The following OPRM1 variants were observed in gnomAD, a reference collection of about 807,000 sequenced individuals.
OPRM1 encodes the protein opioid receptor mu 1.
A neutral mutation model predicts 31.8 loss-of-function variants in OPRM1; 27 were observed. The observed-to-expected ratio is 0.85, with a 90% CI of 0.63 to 1.17. The LOEUF is 1.17. Ranked by LOEUF, OPRM1 falls within the 50% of genes most tolerant of loss-of-function variation. OPRM1 has a pLI of 0.00. For missense variants in OPRM1, 536 were observed against 511.1 expected (o/e 1.05, Z -0.47); for synonymous variants, 196 against 189.9 (o/e 1.03, Z -0.26).
chr6:154,180,904 C>A (rs183916980), intron 3 of OPRM1, among the ~76,000 whole-genome samples: 1 of 152,216 alleles, frequency 6.6e-6, no homozygotes, highest in African/African-American at 2.4e-5. Context: ...TAGAAAACAG[C>A]GTTTCCTGTT....
At chr6:154,054,597 G>A (rs1355398196) in intron 1 of OPRM1, among the ~76,000 whole-genome samples, 4 of 152,114 alleles carry the variant, frequency 2.6e-5, no homozygotes, top group Non-Finnish European at 5.9e-5. Context: ...TTACTTCCCT[G>A]AACTTTAAGG....
At position 154,030,964 on chromosome 6, in the gene OPRM1, CA is replaced by C. The variant is rs1192404873; in HGVS notation, c.1-8194del. Among the ~76,000 whole-genome samples the C allele has an allele frequency of 1.7e-3, 255 of 152,164 alleles. 1 individual carries two copies. The highest frequency in any genetic ancestry group is 5.9e-3 in the African/African-American group (243 of 41,510). ...TGCTCTCTGAACCTGCAAATGGATG[CA>C]AATGAAGCCTAGACTATATAATCCA... On this transcript the variant is annotated intron_variant, in intron 1 of 5. Coordinates refer to the OPRM1 transcript ENST00000434900.
rs528944617 is a variant in OPRM1, at chr6:154,178,487, C to G, written c.1165-68206C>G. Among the ~76,000 whole-genome samples, 4 of 151,956 alleles carry G rather than the reference C, an allele frequency of 2.6e-5. No homozygotes were observed. In the East Asian group the frequency reaches 7.7e-4, roughly 29 times the overall value. ...TATATGACCTTTATGTTAAAAATAT[C>G]GAAGGGTATCTTCCTCCCCCTCTTC... is the stretch of plus-strand genomic sequence containing the variant. On this transcript the variant is annotated intron_variant, in intron 3 of 3. Coordinates refer to the OPRM1 transcript ENST00000337049.
intron 3 of OPRM1, among the ~76,000 whole-genome samples, chr6:154,149,556 T>C (rs1798441603): frequency 6.6e-6 from 1 of 152,036 alleles, no homozygotes; most frequent in Non-Finnish European, 1.5e-5. Flanking sequence ...GACTTTCTTT[T>C]GAAGCAGCTG....
At chr6:154,044,951 A>T (rs1214532999) in intron 1 of OPRM1, among the ~76,000 whole-genome samples, 1 of 152,194 alleles carries the variant, frequency 6.6e-6, no homozygotes, top group Non-Finnish European at 1.5e-5. Context: ...GTGGTCAGGC[A>T]CTGTAGCTCT....
intron 1 of OPRM1, among the ~76,000 whole-genome samples, chr6:154,031,563 C>A (rs1401747906): frequency 1.3e-5 from 2 of 151,326 alleles, no homozygotes; most frequent in Non-Finnish European, 2.9e-5. Flanking sequence ...GGTGAAACCC[C>A]ATCTCTACTA....
intron 1 of OPRM1, among the ~76,000 whole-genome samples, chr6:154,044,650 T>A (rs1004032599): frequency 4.4e-5 from 6 of 137,838 alleles, no homozygotes; most frequent in South Asian, 2.2e-4. Flanking sequence ...GCAAAAAAAA[T>A]AAATCGGTTA....
chr6:154,164,465 TG>T (rs1487630210), intron 3 of OPRM1, among the ~76,000 whole-genome samples: 1 of 152,212 alleles, frequency 6.6e-6, no homozygotes, highest in African/African-American at 2.4e-5. Context: ...CCAGGCATCC[TG>T]GGGCTGGGCC....
At chr6:154,044,840 G>C (rs1440605424) in intron 1 of OPRM1, among the ~76,000 whole-genome samples, 2 of 152,102 alleles carry the variant, frequency 1.3e-5, no homozygotes, top group African/African-American at 4.8e-5. Context: ...TTCCGTTTAA[G>C]GCAGTAGTTG....
At chr6:154,089,013 T>G (rs2128481736) in intron 1 of OPRM1, among the ~76,000 whole-genome samples, 1 of 152,304 alleles carries the variant, frequency 6.6e-6, no homozygotes, top group African/African-American at 2.4e-5. Context: ...CAGGATGCCT[T>G]CCACATCTTA....
chr6:154,213,861 T>C (rs1407364157), intron 3 of OPRM1, among the ~76,000 whole-genome samples: 1 of 152,042 alleles, frequency 6.6e-6, no homozygotes, highest in East Asian at 1.9e-4. Context: ...AGGGAGGAAA[T>C]AGTGGGATGA....
intron 3 of OPRM1, among the ~76,000 whole-genome samples, chr6:154,103,448 C>A (rs1050468205): frequency 1.3e-5 from 2 of 152,126 alleles, no homozygotes; most frequent in Non-Finnish European, 2.9e-5. Flanking sequence ...ATTAGGTAAA[C>A]CCTATACCAA....
At chr6:154,069,371 A>G (rs1207709640) in intron 1 of OPRM1, among the ~76,000 whole-genome samples, 1 of 151,918 alleles carries the variant, frequency 6.6e-6, no homozygotes, top group African/African-American at 2.4e-5. Flanking sequence ...CCCCAGTAGC[A>G]GGGATTACAG....
rs1797881113 is a variant in OPRM1 at position 154,131,285 on chromosome 6, G to T, written c.*12564G>T. Among the ~76,000 whole-genome samples, 1 of 152,162 alleles carries T rather than the reference G, an allele frequency of 6.6e-6. No individual in the cohort carries two copies. The highest frequency in any genetic ancestry group is 1.5e-5 in the Non-Finnish European group (1 of 68,032). ...ATCTGAGTAAATGAGAGCCTCTCAT[G>T]GTTGATTAAGTTCAGACATTTTAAA... On this transcript the variant is annotated 3_prime_UTR_variant, in exon 4 of 4. Coordinates refer to ENST00000330432, the MANE Select transcript of OPRM1 (RefSeq NM_000914.5).
At chr6:154,166,039 A>G (rs1355403394) in intron 3 of OPRM1, among the ~76,000 whole-genome samples, 2 of 152,268 alleles carry the variant, frequency 1.3e-5, no homozygotes, top group Non-Finnish European at 2.9e-5. Context: ...TGACAGCTTG[A>G]TCACAGCCTT....
intron 3 of OPRM1, chr6:154,212,985 C>A: frequency 1.5e-6 from 1 of 687,098 alleles, no homozygotes; most frequent in Non-Finnish European, 2.6e-6. Context: ...ATCTAATGAA[C>A]TACCTGGTAA....
At chr6:154,054,076 C>G (rs1782712736) in intron 1 of OPRM1, among the ~76,000 whole-genome samples, 2 of 151,856 alleles carry the variant, frequency 1.3e-5, no homozygotes, top group African/African-American at 4.8e-5. Flanking sequence ...TTAGAATTAC[C>G]TGGAAAGCTT....
At chr6:154,012,618 T>A (rs1777789102) in intron 1 of OPRM1, among the ~76,000 whole-genome samples, 1 of 152,156 alleles carries the variant, frequency 6.6e-6, no homozygotes, top group Non-Finnish European at 1.5e-5. Context: ...TTTCTTTCTT[T>A]GAATGTATTC....
intron 3 of OPRM1, among the ~76,000 whole-genome samples, chr6:154,115,358 C>G (rs514269): frequency 0.89 from 134,756 of 151,866 alleles, 59,953 homozygotes; most frequent in East Asian, 0.98. Context: ...TGGGCAACAT[C>G]GTGAAACCCC....
Sources: allele counts gnomAD v4.1 joint callset (sites outside exome capture counted in the v4.1 genomes callset), GRCh38; gene constraint gnomAD v4.1.1; transcripts MANE v1.5; gene names NCBI Gene and HGNC (gene_info 2026-07-23, HGNC 2026-07-21).